SEMA6A: variants seen among roughly 807,000 people sequenced by gnomAD.
The protein encoded by SEMA6A is semaphorin 6A, also known as semaphorin-6A.
Under a neutral mutation model 96.8 loss-of-function variants are expected in SEMA6A, and 25 were observed. That is an observed-to-expected ratio of 0.26 (90% CI 0.19 to 0.36). SEMA6A has a LOEUF of 0.36. Ranked by LOEUF, SEMA6A falls within the 10% of genes least tolerant of loss-of-function variation. SEMA6A has a pLI of 1.00. For missense variants in SEMA6A, 1,363 were observed against 1,323.1 expected (o/e 1.03, Z -0.47); for synonymous variants, 612 against 518.0 (o/e 1.18, Z -2.46).
chr5:116,504,052 G>A (rs1371061592), intron 2 of SEMA6A, among the ~76,000 whole-genome samples: 1 of 152,110 alleles, frequency 6.6e-6, no homozygotes, highest in African/African-American at 2.4e-5. Context: ...TGAACACTGG[G>A]CATATTTGGA....
At chr5:116,460,269 A>G (rs1365303485) in intron 18 of SEMA6A, among the ~76,000 whole-genome samples, 1 of 152,132 alleles carries the variant, frequency 6.6e-6, no homozygotes, top group African/African-American at 2.4e-5. Flanking sequence ...TTCAATAATA[A>G]TCTTTAAATT....
chr5:116,481,030 G>A (rs551237635), intron 11 of SEMA6A, among the ~76,000 whole-genome samples: 2 of 152,116 alleles, frequency 1.3e-5, no homozygotes, highest in African/African-American at 2.4e-5. Flanking sequence ...GTGCAGAAGA[G>A]GAGATTGGAC....
intron 15 of SEMA6A, among the ~76,000 whole-genome samples, chr5:116,475,905 TAAGAAGTTTAG>T (rs1452533166): frequency 6.6e-6 from 1 of 152,224 alleles, no homozygotes; most frequent in Non-Finnish European, 1.5e-5. Context: ...CTTAAACATT[TAAGAAGTTTAG>T]ATGTTAAAAT....
intron 1 of SEMA6A, among the ~76,000 whole-genome samples, chr5:116,530,185 T>C: frequency 6.6e-6 from 1 of 152,300 alleles, no homozygotes; most frequent in Middle Eastern, 3.4e-3. Flanking sequence ...ATGTTAAATA[T>C]CTTAGAAGAG....
chr5:116,457,527 A>G (rs1258174133), intron 18 of SEMA6A, among the ~76,000 whole-genome samples: 2 of 152,156 alleles, frequency 1.3e-5, no homozygotes, highest in Non-Finnish European at 2.9e-5. Context: ...AAATAATTGG[A>G]GTGGAAAAAA....
intron 1 of SEMA6A, among the ~76,000 whole-genome samples, chr5:116,560,908 T>A (rs1285806409): frequency 6.6e-6 from 1 of 152,202 alleles, no homozygotes; most frequent in East Asian, 1.9e-4. Context: ...AAAAGCTACT[T>A]CTAAACTTGT....
intron 4 of SEMA6A, 62 bp from the exon 5 acceptor site, chr5:116,496,375 T>G (rs1462957219): frequency 2.1e-6 from 3 of 1,451,656 alleles, no homozygotes; most frequent in East Asian, 4.6e-5. Flanking sequence ...ATTTTAGAAG[T>G]AAGAGTTCCC....
chr5:116,494,884 T>C (rs1757508081), intron 6 of SEMA6A, among the ~76,000 whole-genome samples: 1 of 152,134 alleles, frequency 6.6e-6, no homozygotes, highest in African/African-American at 2.4e-5. Flanking sequence ...CTAGATTTAC[T>C]AACTCTTTAA....
intron 4 of SEMA6A, among the ~76,000 whole-genome samples, chr5:116,496,565 A>G (rs1039947016): frequency 2.0e-5 from 3 of 152,196 alleles, no homozygotes; most frequent in South Asian, 4.2e-4. Flanking sequence ...TGAAGGAGAA[A>G]AGAAAGAAGA....
intron 12 of SEMA6A, among the ~76,000 whole-genome samples, chr5:116,479,424 T>G (rs1478348774): frequency 6.6e-6 from 1 of 152,242 alleles, no homozygotes; most frequent in East Asian, 1.9e-4. Context: ...TACCATGGTT[T>G]CCATTTTGTG....
chr5:116,554,046 G>A (rs1021819858), intron 1 of SEMA6A, among the ~76,000 whole-genome samples: 1 of 152,086 alleles, frequency 6.6e-6, no homozygotes, highest in African/African-American at 2.4e-5. Context: ...TAGGAGGAGG[G>A]CCACAGAGAG....
Position 116,517,309 on chromosome 5 carries a change from T to G in SEMA6A, c.-38-12327A>C, listed in dbSNP as rs557064544. ...AAAAAATTTCAAAAAAAAAAAAGAT[T>G]GGGACACTACATGCCTTCGTTCCTA... On this transcript the variant is annotated intron_variant, in intron 1 of 18. Transcript: ENST00000343348. 1.1e-3 allele frequency among the ~76,000 whole-genome samples: 161 copies of G among 151,880 alleles called. 1 individual carries two copies. The highest frequency in any genetic ancestry group is 2.0e-3 in the Non-Finnish European group (134 of 67,914).
At chr5:116,475,473 G>A in intron 16 of SEMA6A, 72 bp downstream of exon 16, 2 of 1,011,778 alleles carry the variant, frequency 2.0e-6, no homozygotes, top group South Asian at 1.5e-5. Flanking sequence ...CCACATGTGA[G>A]CTGATGTTTC....
At chr5:116,562,362 A>G (rs1760849960) in intron 1 of SEMA6A, among the ~76,000 whole-genome samples, 1 of 152,392 alleles carries the variant, frequency 6.6e-6, no homozygotes, top group Admixed American at 6.5e-5. Flanking sequence ...ACAGAGAAAT[A>G]TAATTCATAA....
At chr5:116,447,849 G>C (rs753880083) in intron 18 of SEMA6A, 38 bp from the exon 19 acceptor site, 1 of 1,494,170 alleles carries the variant, frequency 6.7e-7, no homozygotes, top group Non-Finnish European at 9.0e-7. Context: ...AGAAATGAAA[G>C]CACACCCCGA....
At chr5:116,505,880 A>G (rs1758123575) in intron 1 of SEMA6A, among the ~76,000 whole-genome samples, 2 of 64 alleles carry the variant, frequency 0.031, no homozygotes, top group African/African-American at 0.12. Flanking sequence ...GATACAGTGA[A>G]AAAAAAAAAA....
chr5:116,478,771 G>A (rs1216380909), intron 12 of SEMA6A, 53 bp from the exon 13 acceptor site: 17 of 1,543,450 alleles, frequency 1.1e-5, no homozygotes, highest in Non-Finnish European at 5.3e-6. Context: ...TCATTAAAGT[G>A]TTCCCTGTTC....
chr5:116,485,249 A>T (rs543645682), intron 10 of SEMA6A, among the ~76,000 whole-genome samples: 1 of 152,308 alleles, frequency 6.6e-6, no homozygotes, highest in Admixed American at 6.5e-5. Flanking sequence ...CTATATTGTA[A>T]TCACAAAGTA....
intron 1 of SEMA6A, chr5:116,562,663 AC>A (rs1172050893): frequency 1.4e-6 from 1 of 707,428 alleles, no homozygotes; most frequent in African/African-American, 1.8e-5. Context: ...ATATCGTTGC[AC>A]CCTTCAATGA....
Sources: gnomAD v4.1 joint callset for allele counts (sites outside exome capture counted in the v4.1 genomes callset) on GRCh38, gnomAD v4.1.1 for gene constraint, MANE v1.5 for transcripts, NCBI Gene and HGNC (gene_info 2026-07-23, HGNC 2026-07-21) for gene names.